STAT3: variants seen among roughly 807,000 people sequenced by gnomAD.
STAT3 encodes signal transducer and activator of transcription 3, also known as DNA-binding protein APRF.
Under a neutral mutation model 114.3 loss-of-function variants are expected in STAT3, and 7 were observed. The ratio of observed to expected loss-of-function variants is 0.06; its 90% CI spans 0.03 to 0.11. The LOEUF (loss-of-function observed/expected upper bound fraction) is 0.11, where lower values mean the gene tolerates loss of function less well. STAT3 is among the 10% of genes least tolerant of loss of function. The pLI, the probability that STAT3 is intolerant of heterozygous loss-of-function variation, is 1.00. For synonymous variants in STAT3, 331 were observed against 354.5 expected, an observed-to-expected ratio of 0.93 and a Z score of 0.74; for missense variants, 364 against 960.9, an observed-to-expected ratio of 0.38 and a Z score of 8.21.
chr17:42,349,036 T>C (rs1396303604), intron 1 of STAT3, among the ~76,000 whole-genome samples: 2 of 151,982 alleles, frequency 1.3e-5, no homozygotes, highest in Admixed American at 6.6e-5. Flanking sequence ...ACACTCATTT[T>C]TTAAAAAATG....
chr17:42,350,717 G>A (rs1335372488), intron 1 of STAT3, among the ~76,000 whole-genome samples: 3 of 152,200 alleles, frequency 2.0e-5, no homozygotes, highest in African/African-American at 7.2e-5. Flanking sequence ...ATTCAGGGAA[G>A]TGCAGGTAGT....
intron 4 of STAT3, among the ~76,000 whole-genome samples, chr17:42,340,523 T>A (rs555947728): frequency 0.06 from 8,903 of 147,436 alleles, 341 homozygotes; most frequent in Non-Finnish European, 0.089. Context: ...AAAAAAAAAT[T>A]TTTTTTTAAC....
chr17:42,341,858 G>A (rs9889396), intron 4 of STAT3, among the ~76,000 whole-genome samples: 11,239 of 151,696 alleles, frequency 0.074, 1,408 homozygotes, highest in African/African-American at 0.26. Context: ...GCTGGGTTCC[G>A]AAAAAACCTC....
intron 10 of STAT3, 119 bp from the exon 11 acceptor site, chr17:42,331,650 A>C: frequency 1.2e-6 from 1 of 812,600 alleles, no homozygotes; most frequent in South Asian, 1.5e-5. Flanking sequence ...CAAGCTGTCT[A>C]TAATTACAGG....
intron 1 of STAT3, among the ~76,000 whole-genome samples, chr17:42,370,819 G>A (rs2084081911): frequency 6.7e-6 from 1 of 150,030 alleles, no homozygotes; most frequent in Non-Finnish European, 1.5e-5. Flanking sequence ...GTATTGGCCA[G>A]GCTGGTCTGG....
intron 15 of STAT3, among the ~76,000 whole-genome samples, chr17:42,325,552 A>AAG (rs2081669845): frequency 6.6e-6 from 1 of 151,768 alleles, no homozygotes; most frequent in African/African-American, 2.4e-5. Flanking sequence ...AAACTTTATA[A>AAG]AGTCAGTTCT....
chr17:42,339,546 C>G, intron 4 of STAT3, 137 bp from the exon 5 acceptor site: 1 of 819,494 alleles, frequency 1.2e-6, no homozygotes, highest in South Asian at 1.4e-5. Flanking sequence ...GGAAGGGAAA[C>G]AGAGGCAGTG....
chr17:42,374,610 C>CAAAAAAAAAAAAAAAAAAAAAAAAAAAAA (rs1260078348), intron 1 of STAT3, among the ~76,000 whole-genome samples: 1 of 120,932 alleles, frequency 8.3e-6, no homozygotes. Context: ...AACTCCATCT[C>CAAAAAAAAAAAAAAAAAAAAAAAAAAAAA]AAAAAAAAAA....
chr17:42,314,851 CTT>C lies in STAT3; in HGVS notation c.*892_*893del, dbSNP rs754306251. Reference sequence around the variant, plus strand: ...CCAAGGAGGCTGTTAACTGAAGTTTCTTTTTTTTTTTTTTTTTTTTGAGACAG... The same window carrying C: ...CCAAGGAGGCTGTTAACTGAAGTTTCTTTTTTTTTTTTTTTTTTGAGACAG... On this transcript the variant is annotated 3_prime_UTR_variant, in exon 24 of 24. Transcript: ENST00000264657. 1,404 of 139,790 alleles carry C rather than the reference CTT, an allele frequency of 0.01. No individual in the cohort carries two copies. The highest frequency in any genetic ancestry group is 0.038 in the East Asian group (319 of 8,380). 8.7% of individuals were successfully genotyped at this position (139,790 alleles called of 1,614,324 possible).
At chr17:42,355,251 A>T (rs1216941037) in intron 1 of STAT3, among the ~76,000 whole-genome samples, 1 of 152,188 alleles carries the variant, frequency 6.6e-6, no homozygotes, top group Admixed American at 6.5e-5. Context: ...TTTTAAAAAA[A>T]TTTTATTAGA....
intron 22 of STAT3, 77 bp from the exon 23 acceptor site, chr17:42,316,978 C>T: frequency 6.6e-7 from 1 of 1,511,532 alleles, no homozygotes; most frequent in Non-Finnish European, 8.9e-7. Flanking sequence ...AAGAACAAAA[C>T]ACACACACAC....
chr17:42,363,525 C>T lies in STAT3; in HGVS notation c.-23-14986G>A, dbSNP rs139039750. ...ATAATACGATCACAGCTCACTGCAG[C>T]CTCAACCTCCTGGGCTCAAGCAACC... is the stretch of plus-strand genomic sequence containing the variant. On this transcript the variant is annotated intron_variant, in intron 1 of 23. Coordinates refer to ENST00000264657, the MANE Select transcript of STAT3 (RefSeq NM_139276.3). Among the ~76,000 whole-genome samples the T allele has an allele frequency of 3.1e-3, 470 of 152,224 alleles. 3 individuals are homozygous for T. The highest frequency in any genetic ancestry group is 0.011 in the African/African-American group (453 of 41,532).
chr17:42,365,453 G>A (rs1310596869), intron 1 of STAT3, among the ~76,000 whole-genome samples: 3 of 151,822 alleles, frequency 2.0e-5, no homozygotes, highest in African/African-American at 4.8e-5. Context: ...TCCTGCCCAC[G>A]GCATCTTCGA....
chr17:42,356,706 G>T (rs542531257), intron 1 of STAT3, among the ~76,000 whole-genome samples: 2 of 152,148 alleles, frequency 1.3e-5, no homozygotes, highest in Admixed American at 1.3e-4. Context: ...GGTCTCAAGC[G>T]ACCCTCCTGT....
At chr17:42,382,718 C>G (rs2084868790) in intron 1 of STAT3, among the ~76,000 whole-genome samples, 1 of 151,884 alleles carries the variant, frequency 6.6e-6, no homozygotes, top group Non-Finnish European at 1.5e-5. Context: ...ACGATCTCAG[C>G]TCACTGCAAG....
intron 8 of STAT3, among the ~76,000 whole-genome samples, chr17:42,335,819 T>C (rs1014439414): frequency 3.9e-5 from 6 of 152,060 alleles, no homozygotes; most frequent in African/African-American, 1.4e-4. Context: ...GCCAAGATCA[T>C]GCCACTGCAC....
chr17:42,333,596 T>C lies in STAT3; in HGVS notation c.1049+77A>G. On this transcript the variant is annotated intron_variant, in intron 10 of 23. Transcript: ENST00000264657. This position sits in a 1 kb window ranked among gnomAD's most constrained non-coding sequence, Gnocchi z 5.2. ...ACACCACACCTGGAAAGAATGACCC[T>C]GGCCACCAACTCTACCCTCACCCTA... 6.5e-7 allele frequency: 1 copy of C among 1,537,830 alleles called. No individual in the cohort carries two copies. Among genetic ancestry groups the C allele is most frequent in the Non-Finnish European group, 9.0e-7 (1 of 1,114,752 alleles).
At position 42,314,057 on chromosome 17, in the gene STAT3, A is replaced by G. The variant is rs1239149515; in HGVS notation, c.*1688T>C. The G allele has an allele frequency of 8.6e-6, 2 of 231,550 alleles. No individual in the cohort carries two copies. Among genetic ancestry groups the G allele is most frequent in the East Asian group, 6.1e-5 (1 of 16,502 alleles). 14.3% of individuals were successfully genotyped at this position (231,550 alleles called of 1,614,324 possible). ...CATCCAGCACGTGCTAGGTGTTCCC[A>G]TACGCACAGGAGAGGCGAGCTAGCC... On this transcript the variant is annotated 3_prime_UTR_variant, in exon 24 of 24. Coordinates refer to ENST00000264657, the MANE Select transcript of STAT3 (RefSeq NM_139276.3).
chr17:42,388,126 C>T, intron 1 of STAT3, 153 bp downstream of exon 1: 1 of 948,330 alleles, frequency 1.1e-6, no homozygotes, highest in South Asian at 5.5e-5. Context: ...CCCGAAGAGT[C>T]TTCCCTCAGG....
Sources: allele counts gnomAD v4.1 joint callset (sites outside exome capture counted in the v4.1 genomes callset), GRCh38; gene constraint gnomAD v4.1.1; non-coding constraint Gnocchi (gnomAD v3.1); transcripts MANE v1.5; gene names NCBI Gene and HGNC (gene_info 2026-07-23, HGNC 2026-07-21).